ANKRD11: variants seen among roughly 807,000 people sequenced by gnomAD.
ANKRD11 encodes the protein ankyrin repeat domain 11, also known as ankyrin repeat domain-containing protein 11.
Under a neutral mutation model 195.7 loss-of-function variants are expected in ANKRD11, and 17 were observed. The observed-to-expected ratio is 0.09, with a 90% CI of 0.06 to 0.13. The LOEUF is 0.13. Ranked by LOEUF, ANKRD11 falls within the 10% of genes least tolerant of loss-of-function variation. The pLI, the probability that ANKRD11 is intolerant of heterozygous loss-of-function variation, is 1.00. For missense variants in ANKRD11, 3,735 were observed against 3,566.1 expected (o/e 1.05, Z -1.21); for synonymous variants, 1,953 against 1,528.1 (o/e 1.28, Z -6.49).
Position 89,279,992 on chromosome 16 carries a change from C to A in ANKRD11, c.6550G>T (p.Ala2184Ser). Residue 2184 changes from alanine to serine, a missense_variant, in exon 9 of 13, where the codon GCT becomes TCT. Transcript: ENST00000301030. The surrounding 1 kb of genome is among the most constrained non-coding windows in gnomAD (Gnocchi z 5.6). ...INGGDVSTVV[A>S]EEPPALPPDQ... ...GGAGGCAGTGCCGGCGGCTCCTCAG[C>A]CACTACGGTGGAAACATCCCCACCG... 1 of 1,611,924 alleles carries A rather than the reference C, an allele frequency of 6.2e-7. No homozygotes were observed. The highest frequency in any genetic ancestry group is 8.5e-7 in the Non-Finnish European group (1 of 1,179,926).
chr16:89,313,445 G>T, intron 3 of ANKRD11: 4 of 1,289,182 alleles, frequency 3.1e-6, no homozygotes, highest in Non-Finnish European at 4.0e-6. Context: ...TCTCTGACAC[G>T]CCTGCCACTG....
At chr16:89,319,774 A>T (rs1214446872) in intron 2 of ANKRD11, among the ~76,000 whole-genome samples, 1 of 152,238 alleles carries the variant, frequency 6.6e-6, no homozygotes. Context: ...GCCTGCAGGC[A>T]CCAGGCGTGC....
chr16:89,383,178 G>T (rs1021335529), intron 2 of ANKRD11, among the ~76,000 whole-genome samples: 1 of 152,224 alleles, frequency 6.6e-6, no homozygotes, highest in African/African-American at 2.4e-5. Context: ...CTGAGTAAAG[G>T]GAGCGGTGCG....
In ANKRD11 at chr16:89,386,861, G is replaced by A. The variant is rs1401583019; in HGVS notation, c.-60+31423C>T. On this transcript the variant is annotated intron_variant, in intron 2 of 12. Coordinates refer to ENST00000301030, the MANE Select transcript of ANKRD11 (RefSeq NM_013275.6). ...AGTCCTATCACAGCCAGAGCTGTGT[G>A]CGAACAGACAAGCCCTGAGAAGTGT... 2.0e-5 allele frequency among the ~76,000 whole-genome samples: 3 copies of A among 152,286 alleles called. No individual in the cohort carries two copies. In the East Asian group the frequency reaches 5.8e-4, roughly 29 times the overall value.
At chr16:89,269,232 T>G (rs2151665582) in intron 12 of ANKRD11, among the ~76,000 whole-genome samples, 2 of 152,144 alleles carry the variant, frequency 1.3e-5, no homozygotes, top group East Asian at 3.9e-4. Flanking sequence ...CATGACTCAC[T>G]GCAGCCTTGA....
chr16:89,336,634 T>C (rs373581190), intron 2 of ANKRD11, among the ~76,000 whole-genome samples: 7 of 152,284 alleles, frequency 4.6e-5, no homozygotes, highest in East Asian at 3.9e-4. Context: ...GAAAGCCACC[T>C]GTGGGCACCA....
At chr16:89,341,042 T>A (rs2038630162) in intron 2 of ANKRD11, among the ~76,000 whole-genome samples, 1 of 152,214 alleles carries the variant, frequency 6.6e-6, no homozygotes, top group Non-Finnish European at 1.5e-5. Context: ...TATAAATGGC[T>A]TCAGAATCCT....
chr16:89,351,441 C>G (rs1022360823), intron 2 of ANKRD11, among the ~76,000 whole-genome samples: 1 of 152,196 alleles, frequency 6.6e-6, no homozygotes, highest in African/African-American at 2.4e-5. Flanking sequence ...GCAAATCACT[C>G]CAGGCATTCA....
At chr16:89,418,399 C>A in intron 1 of ANKRD11, 31 bp from the exon 2 acceptor site, 1 of 425,498 alleles carries the variant, frequency 2.4e-6, no homozygotes, top group South Asian at 1.6e-5. Flanking sequence ...TAGCTCATGT[C>A]AATAATAATT....
chr16:89,278,879 C>T, intron 9 of ANKRD11, 193 bp downstream of exon 9: 1 of 939,172 alleles, frequency 1.1e-6, no homozygotes, highest in Non-Finnish European at 1.7e-6. Flanking sequence ...GACCTCGGGT[C>T]TGCAGAACAG....
chr16:89,279,272 G>A lies in ANKRD11; in HGVS notation c.7270C>T (p.Leu2424=), dbSNP rs1597432048. 1.2e-6 allele frequency: 2 copies of A among 1,611,806 alleles called. No homozygotes were observed. The highest frequency in any genetic ancestry group is 1.7e-6 in the Non-Finnish European group (2 of 1,179,684). Residue 2424 remains leucine, a synonymous_variant, in exon 9 of 13, where the codon CTG becomes TTG. Coordinates refer to ENST00000301030, the MANE Select transcript of ANKRD11 (RefSeq NM_013275.6). This position sits in a 1 kb window ranked among gnomAD's most constrained non-coding sequence, Gnocchi z 5.6. ...TLAAIVDAIK[L]DAIEPYHSDR... is the part of the protein sequence containing the mutation. ...CTGTGGTAGGGCTCGATGGCATCCA[G>A]CTTGATGGCGTCCACGATGGCGGCC...
intron 2 of ANKRD11, among the ~76,000 whole-genome samples, chr16:89,398,030 A>G (rs1021442816): frequency 1.3e-5 from 2 of 152,260 alleles, no homozygotes; most frequent in Non-Finnish European, 2.9e-5. Flanking sequence ...AGCACTGTCT[A>G]TGTGAATAAA....
chr16:89,442,807 C>T (rs556122578), intron 1 of ANKRD11, among the ~76,000 whole-genome samples: 1 of 152,194 alleles, frequency 6.6e-6, no homozygotes, highest in Non-Finnish European at 1.5e-5. Flanking sequence ...ACTCCAACCC[C>T]ATCACGGCCT....
At chr16:89,420,813 C>T (rs887774047) in intron 1 of ANKRD11, among the ~76,000 whole-genome samples, 3 of 152,190 alleles carry the variant, frequency 2.0e-5, no homozygotes, top group Non-Finnish European at 2.9e-5. Context: ...ACCTCCTGGG[C>T]CCAAGGGGTC....
chr16:89,396,135 A>G (rs1457743536), intron 2 of ANKRD11: 1 of 152,220 alleles, frequency 6.6e-6, no homozygotes, highest in Non-Finnish European at 1.5e-5. Flanking sequence ...GTGAAAATTC[A>G]AGCTTTCAAA....
At chr16:89,334,099 C>T (rs909419050) in intron 2 of ANKRD11, among the ~76,000 whole-genome samples, 3 of 144,428 alleles carry the variant, frequency 2.1e-5, no homozygotes, top group African/African-American at 8.0e-5. Context: ...ATCACTTAAG[C>T]CCAGTTCAAG....
At chr16:89,344,092 G>A (rs890805301) in intron 2 of ANKRD11, among the ~76,000 whole-genome samples, 4 of 152,136 alleles carry the variant, frequency 2.6e-5, no homozygotes, top group Non-Finnish European at 5.9e-5. Flanking sequence ...AGGACTTCCC[G>A]GGCCTCAATC....
chr16:89,444,532 G>A (rs1028209588), intron 1 of ANKRD11, among the ~76,000 whole-genome samples: 1 of 152,106 alleles, frequency 6.6e-6, no homozygotes, highest in Non-Finnish European at 1.5e-5. Flanking sequence ...GTCCAGCCCT[G>A]GACTTCGATA....
chr16:89,394,794 T>G (rs143515885), intron 2 of ANKRD11, among the ~76,000 whole-genome samples: 2 of 152,248 alleles, frequency 1.3e-5, no homozygotes, highest in African/African-American at 4.8e-5. Flanking sequence ...CCATAATATA[T>G]GGCCCCGAGA....
Sources: allele counts gnomAD v4.1 joint callset (sites outside exome capture counted in the v4.1 genomes callset), GRCh38; gene constraint gnomAD v4.1.1; non-coding constraint Gnocchi (gnomAD v3.1); transcripts MANE v1.5; gene names NCBI Gene and HGNC (gene_info 2026-07-23, HGNC 2026-07-21).